Variants in CCDC68 observed in about 807,000 individuals in gnomAD.
CCDC68 encodes the protein coiled-coil domain containing 68.
Under a neutral mutation model 47.1 loss-of-function variants are expected in CCDC68, and 45 were observed. The ratio of observed to expected loss-of-function variants is 0.96; its 90% CI spans 0.75 to 1.23. The LOEUF (loss-of-function observed/expected upper bound fraction) is 1.23, where lower values mean the gene tolerates loss of function less well. Ranked by LOEUF, CCDC68 falls within the 50% of genes most tolerant of loss-of-function variation. CCDC68 has a pLI of 0.00. For synonymous variants in CCDC68, 131 were observed against 129.5 expected (o/e 1.01, Z -0.08); for missense variants, 353 against 373.6 (o/e 0.94, Z 0.45).
chr18:54,943,136 G>T (rs1308907530), intron 2 of CCDC68, among the ~76,000 whole-genome samples: 1 of 152,070 alleles, frequency 6.6e-6, no homozygotes, highest in East Asian at 1.9e-4. Context: ...TACATTGTAA[G>T]TACATAATAA....
rs1366781884 is a variant in CCDC68 at position 54,907,822 on chromosome 18, G to A, written c.914C>T (p.Thr305Ile). Residue 305 changes from threonine to isoleucine, a missense_variant, in exon 11 of 12, where the codon ACT becomes ATT. Coordinates refer to ENST00000591504, the MANE Select transcript of CCDC68 (RefSeq NM_025214.3). Reference sequence around the variant, plus strand: ...AGCCTTAGATACCTTTGTCCTAGGAGTTTCAGATGAAAGTGCTACCTGGGT... The same window carrying A: ...AGCCTTAGATACCTTTGTCCTAGGAATTTCAGATGAAAGTGCTACCTGGGT... ...LKTQVALSSE[T>I]PRTKVSKAVS... 1.2e-6 allele frequency: 2 copies of A among 1,608,856 alleles called. No homozygotes were observed. Among genetic ancestry groups the A allele is most frequent in the South Asian group, 1.1e-5 (1 of 90,948 alleles).
intron 1 of CCDC68, among the ~76,000 whole-genome samples, chr18:54,951,985 G>A (rs1352032657): frequency 2.0e-5 from 3 of 152,214 alleles, no homozygotes; most frequent in Non-Finnish European, 2.9e-5. Flanking sequence ...GATAATGCAT[G>A]AAAAGTGCTT....
At chr18:54,944,366 C>T (rs2044488556) in intron 2 of CCDC68, among the ~76,000 whole-genome samples, 1 of 151,942 alleles carries the variant, frequency 6.6e-6, no homozygotes, top group African/African-American at 2.4e-5. Flanking sequence ...TCTTATGTTA[C>T]TGATAAGAAG....
intron 1 of CCDC68, among the ~76,000 whole-genome samples, chr18:54,956,960 C>T (rs1488434688): frequency 6.6e-6 from 1 of 151,910 alleles, no homozygotes; most frequent in Non-Finnish European, 1.5e-5. Context: ...GTAAGAATAA[C>T]TTGAATAAAG....
chr18:54,932,979 A>ATTTG (rs1208470987), intron 7 of CCDC68, among the ~76,000 whole-genome samples: 1 of 152,206 alleles, frequency 6.6e-6, no homozygotes, highest in Non-Finnish European at 1.5e-5. Context: ...GTGTTCAAAT[A>ATTTG]TTTGTTTAGT....
Position 54,920,930 on chromosome 18 carries a change from A to G in CCDC68, c.684-1554T>C, listed in dbSNP as rs143793539. On this transcript the variant is annotated intron_variant, in intron 8 of 11. Transcript: ENST00000591504. ...CACAGCAGTATTCACGACAGCAAAG[A>G]CATAGAAACAACCTAGGTGCCTATC... 4.0e-3 allele frequency among the ~76,000 whole-genome samples: 614 copies of G among 152,340 alleles called. 2 individuals carry two copies. The highest frequency in any genetic ancestry group is 0.026 in the South Asian group (123 of 4,822).
chr18:54,920,482 C>A (rs2044039130), intron 8 of CCDC68, among the ~76,000 whole-genome samples: 1 of 152,018 alleles, frequency 6.6e-6, no homozygotes, highest in South Asian at 2.1e-4. Context: ...CTCAGCTGAT[C>A]CACCCACCTC....
In CCDC68 at chr18:54,907,868, A is replaced by T. The variant is rs748159066; in HGVS notation, c.874-6T>A. The T allele has an allele frequency of 1.3e-5, 20 of 1,555,394 alleles. No individual in the cohort carries two copies. Among genetic ancestry groups the T allele is most frequent in the African/African-American group, 1.4e-5 (1 of 73,640 alleles). On this transcript the variant is annotated splice_polypyrimidine_tract_variant and splice_region_variant and intron_variant, in intron 10 of 11. Coordinates refer to ENST00000591504, the MANE Select transcript of CCDC68 (RefSeq NM_025214.3). The stretch of plus-strand genomic sequence containing the variant: ...TGGGTTTTTAGTTCTTTATTCTAAA[A>T]TTGAAAAAAAATGCAGACGTCAAAT...
At chr18:54,921,459 T>A (rs891869852) in intron 8 of CCDC68, among the ~76,000 whole-genome samples, 6 of 152,224 alleles carry the variant, frequency 3.9e-5, no homozygotes, top group Non-Finnish European at 8.8e-5. Context: ...TATTGTAATC[T>A]TCCAGGACTC....
At chr18:54,952,329 A>G (rs1214339145) in intron 1 of CCDC68, among the ~76,000 whole-genome samples, 1 of 152,248 alleles carries the variant, frequency 6.6e-6, no homozygotes, top group East Asian at 1.9e-4. Flanking sequence ...AAAATATTTT[A>G]GGAGTGAAGA....
At chr18:54,951,861 A>T (rs2044625316) in intron 1 of CCDC68, among the ~76,000 whole-genome samples, 1 of 152,196 alleles carries the variant, frequency 6.6e-6, no homozygotes, top group Non-Finnish European at 1.5e-5. Context: ...GTTCCACTTC[A>T]TCACCAGCTG....
intron 9 of CCDC68, 148 bp from the exon 10 acceptor site, chr18:54,918,144 G>T (rs2043988341): frequency 1.8e-6 from 1 of 570,424 alleles, no homozygotes; most frequent in African/African-American, 1.9e-5. Flanking sequence ...AGACTCAGCA[G>T]GCAACAGAAA....
At chr18:54,947,778 T>C (rs191589197) in intron 1 of CCDC68, among the ~76,000 whole-genome samples, 158 of 152,364 alleles carry the variant, frequency 1.0e-3, no homozygotes, top group African/African-American at 3.7e-3. Flanking sequence ...AAGCAGGTTA[T>C]ATTTTAAATA....
intron 1 of CCDC68, among the ~76,000 whole-genome samples, chr18:54,949,347 TC>T (rs1198649425): frequency 6.6e-6 from 1 of 152,204 alleles, no homozygotes; most frequent in African/African-American, 2.4e-5. Context: ...TCTACCATTT[TC>T]TTTTCTTTTA....
At position 54,934,954 on chromosome 18, in the gene CCDC68, G is replaced by A. The variant is rs777351168; in HGVS notation, c.472-6C>T. On this transcript the variant is annotated splice_polypyrimidine_tract_variant and splice_region_variant and intron_variant, in intron 6 of 11. Coordinates refer to ENST00000591504, the MANE Select transcript of CCDC68 (RefSeq NM_025214.3). ...TCTTTTTCAAGCTTGTTAACCTATG[G>A]TCAGAGAATCAGTTGTGTTGTGAAA... The A allele has an allele frequency of 8.3e-6, 13 of 1,572,724 alleles. No homozygotes were observed. The highest frequency in any genetic ancestry group is 1.1e-5 in the Non-Finnish European group (13 of 1,163,368).
intron 7 of CCDC68, among the ~76,000 whole-genome samples, chr18:54,934,181 A>G (rs1258894265): frequency 1.3e-5 from 2 of 152,200 alleles, no homozygotes; most frequent in Non-Finnish European, 2.9e-5. Context: ...TCTAAATTCT[A>G]TGGCATACAT....
intron 8 of CCDC68, among the ~76,000 whole-genome samples, chr18:54,928,080 A>G (rs1426975289): frequency 3.9e-5 from 6 of 152,250 alleles, no homozygotes; most frequent in Non-Finnish European, 8.8e-5. Context: ...TTTGAACAAT[A>G]TTATATAATT....
chr18:54,950,468 C>T (rs1480428596), intron 1 of CCDC68, among the ~76,000 whole-genome samples: 2 of 96,824 alleles, frequency 2.1e-5, no homozygotes, highest in African/African-American at 4.1e-5. Flanking sequence ...TATCTGAAAA[C>T]GAGCACAGTA....
chr18:54,930,884 A>ATTTTTAT (rs1568147914), intron 7 of CCDC68, among the ~76,000 whole-genome samples: 2 of 150,790 alleles, frequency 1.3e-5, no homozygotes, highest in African/African-American at 2.4e-5. Flanking sequence ...ACGCCCGGCT[A>ATTTTTAT]ATTTTGTATT....
Sources: allele counts gnomAD v4.1 joint callset (sites outside exome capture counted in the v4.1 genomes callset), GRCh38; gene constraint gnomAD v4.1.1; transcripts MANE v1.5; gene names NCBI Gene and HGNC (gene_info 2026-07-23, HGNC 2026-07-21).